CNTNAP2: variants seen among roughly 807,000 people sequenced by gnomAD.
The protein encoded by CNTNAP2 is contactin-associated protein-like 2.
In CNTNAP2, 98 loss-of-function variants were observed where a neutral mutation model predicts 155.2. That is an observed-to-expected ratio of 0.63 (90% CI 0.54 to 0.75). The LOEUF is 0.75. Among genes scored for constraint, CNTNAP2 ranks in the 30% least tolerant of loss-of-function variants. CNTNAP2 has a pLI of 0.00. For synonymous variants in CNTNAP2, 651 were observed against 631.2 expected (o/e 1.03, Z -0.47); for missense variants, 1,727 against 1,688.1 (o/e 1.02, Z -0.40).
chr7:146,705,885 C>A (rs148181470), intron 1 of CNTNAP2, among the ~76,000 whole-genome samples: 156 of 152,236 alleles, frequency 1.0e-3, no homozygotes, highest in African/African-American at 3.6e-3. Context: ...CAAGCTATAT[C>A]ATATGGTATC....
intron 12 of CNTNAP2, among the ~76,000 whole-genome samples, chr7:147,595,324 G>A (rs138376114): frequency 6.6e-6 from 1 of 152,172 alleles, no homozygotes; most frequent in East Asian, 1.9e-4. Context: ...CTTAACCTTA[G>A]CATTCAAATG....
Position 147,120,997 on chromosome 7 carries a change from C to T in CNTNAP2, c.773C>T (p.Pro258Leu). The change falls in exon 6 of 24, where the codon CCC (proline) becomes CTC (leucine). Residue 258 changes from proline (P) to leucine (L), a missense_variant. Physicochemically the swap from Pro to Leu is moderately conservative, Grantham distance 98. Coordinates refer to ENST00000361727, the MANE Select transcript of CNTNAP2 (RefSeq NM_014141.6). The part of the protein sequence containing the change: ...SLNLGSNQLG[P>L]IYGHTSVMTG... ...TACGCAGGAAGCAACCAGCTTGGCC[C>T]CATATATGGCCACACATCAGTGATG... The T allele has an allele frequency of 1.9e-6, 3 of 1,613,684 alleles. No individual in the cohort carries two copies. The highest frequency in any genetic ancestry group is 2.5e-6 in the Non-Finnish European group (3 of 1,179,950).
At chr7:146,994,252 G>A (rs117104597) in intron 3 of CNTNAP2, among the ~76,000 whole-genome samples, 2,146 of 152,150 alleles carry the variant, frequency 0.014, 24 homozygotes, top group Middle Eastern at 0.024. Flanking sequence ...CAGGCACAGA[G>A]CAAGTAATCT....
In CNTNAP2 at chr7:147,925,505, C is replaced by T. The variant is rs1800381479; in HGVS notation, c.2255+21784C>T. Among the ~76,000 whole-genome samples, 4 of 151,826 alleles carry T rather than the reference C, an allele frequency of 2.6e-5. No individual in the cohort carries two copies. In the South Asian group the frequency reaches 6.2e-4, roughly 24 times the overall value. ...TTTTTGAGACGGAGTCTCGCTCTGT[C>T]GCCCAGGTTGAAGTGCAGTGGCGTG... On this transcript the variant is annotated intron_variant, in intron 14 of 23. Coordinates refer to ENST00000361727, the MANE Select transcript of CNTNAP2 (RefSeq NM_014141.6).
chr7:148,097,380 AAAAAT>A (rs1213141151), intron 15 of CNTNAP2, among the ~76,000 whole-genome samples: 2 of 151,334 alleles, frequency 1.3e-5, no homozygotes, highest in Admixed American at 6.6e-5. Context: ...AAATAAAAAT[AAAAAT>A]AAAAAAATTA....
chr7:147,737,219 G>T (rs1412478939), intron 13 of CNTNAP2, among the ~76,000 whole-genome samples: 1 of 152,140 alleles, frequency 6.6e-6, no homozygotes, highest in Non-Finnish European at 1.5e-5. Flanking sequence ...TGTCCTTTCT[G>T]TTTATTAGAT....
intron 1 of CNTNAP2, among the ~76,000 whole-genome samples, chr7:146,664,157 CTTTTTTTTTT>C (rs35241151): frequency 0.01 from 706 of 68,530 alleles, 6 homozygotes; most frequent in African/African-American, 0.039. Context: ...CAATAAATTC[CTTTTTTTTTT>C]TTTTTTTTTT....
At chr7:147,002,944 C>CAAAAAAAAAAAAAAAAAAAAAAAAAA (rs773401142) in intron 3 of CNTNAP2, among the ~76,000 whole-genome samples, 1 of 52,940 alleles carries the variant, frequency 1.9e-5, no homozygotes. Flanking sequence ...ATGTTCCTTC[C>CAAAAAAAAAAAAAAAAAAAAAAAAAA]AAAAAAAAAA....
At position 147,844,909 on chromosome 7, in the gene CNTNAP2, G is replaced by A. The variant is rs1170262831; in HGVS notation, c.2099-58656G>A. On this transcript the variant is annotated intron_variant, in intron 13 of 23. Transcript: ENST00000361727. ...TGCTGGATTACATTTATTGATTTGC[G>A]TATATTGAACCAGCCTTGCATCCCA... Among the ~76,000 whole-genome samples, 946 of 135,666 alleles carry A rather than the reference G, an allele frequency of 7.0e-3. 12 individuals are homozygous for A. The highest frequency in any genetic ancestry group is 0.024 in the African/African-American group (873 of 36,978). The allele number at this position is 135,666 out of a possible 152,430, so 89.0% of individuals were successfully genotyped here. A position where few individuals can be genotyped will look rare whatever the true frequency, so the allele number is the denominator to read the frequency against.
intron 1 of CNTNAP2, among the ~76,000 whole-genome samples, chr7:146,766,465 G>A (rs1333695612): frequency 1.3e-5 from 2 of 152,214 alleles, no homozygotes; most frequent in East Asian, 3.9e-4. Flanking sequence ...TTAGGTCTGT[G>A]TAGCCCAGTG....
Position 147,415,362 on chromosome 7 carries a change from G to A in CNTNAP2, c.1670+19582G>A, listed in dbSNP as rs140752539. 5.3e-5 allele frequency among the ~76,000 whole-genome samples: 8 copies of A among 152,272 alleles called. No individual in the cohort carries two copies. In the East Asian group the frequency reaches 1.2e-3, roughly 22 times the overall value. ...CCCTACCCAAATCTCATCTTGAATTGTCATCCCCATAATCCCCACGTGTCA... is the reference window on the plus strand; with the variant it reads ...CCCTACCCAAATCTCATCTTGAATTATCATCCCCATAATCCCCACGTGTCA... On this transcript the variant is annotated intron_variant, in intron 10 of 23. Transcript: ENST00000361727.
chr7:147,707,516 C>A (rs1796333599), intron 13 of CNTNAP2, among the ~76,000 whole-genome samples: 1 of 152,160 alleles, frequency 6.6e-6, no homozygotes, highest in African/African-American at 2.4e-5. Flanking sequence ...GTCCTCAAAC[C>A]CCACTGGTGG....
At chr7:148,103,428 T>A (rs1411193509) in intron 15 of CNTNAP2, among the ~76,000 whole-genome samples, 1 of 152,164 alleles carries the variant, frequency 6.6e-6, no homozygotes. Context: ...CTCAGATTTC[T>A]TTGAAATTAA....
chr7:147,497,656 C>T (rs1324265133), intron 11 of CNTNAP2, among the ~76,000 whole-genome samples: 1 of 152,170 alleles, frequency 6.6e-6, no homozygotes, highest in Non-Finnish European at 1.5e-5. Context: ...TACCATATGG[C>T]TATCTGTTGC....
intron 21 of CNTNAP2, among the ~76,000 whole-genome samples, chr7:148,349,551 G>A (rs562179894): frequency 2.0e-5 from 3 of 151,898 alleles, no homozygotes; most frequent in South Asian, 2.1e-4. Context: ...ACAGGCACCC[G>A]TCACCATGCC....
intron 11 of CNTNAP2, among the ~76,000 whole-genome samples, chr7:147,499,081 A>G (rs1255866240): frequency 6.6e-6 from 1 of 152,210 alleles, no homozygotes; most frequent in East Asian, 1.9e-4. Context: ...CAGTGGAAAA[A>G]TCATATTTGA....
At chr7:147,387,200 G>A (rs944656737) in intron 9 of CNTNAP2, among the ~76,000 whole-genome samples, 1 of 152,166 alleles carries the variant, frequency 6.6e-6, no homozygotes, top group Non-Finnish European at 1.5e-5. Context: ...AACCATATCA[G>A]TCCTTTACAG....
At chr7:146,504,426 G>A (rs1563110659) in intron 1 of CNTNAP2, among the ~76,000 whole-genome samples, 1 of 152,180 alleles carries the variant, frequency 6.6e-6, no homozygotes, top group Non-Finnish European at 1.5e-5. Flanking sequence ...AGGGATGAAG[G>A]TACAACATTG....
chr7:146,529,388 T>C (rs1278058565), intron 1 of CNTNAP2, among the ~76,000 whole-genome samples: 1 of 152,052 alleles, frequency 6.6e-6, no homozygotes, highest in Non-Finnish European at 1.5e-5. Flanking sequence ...AGAGCAGGGG[T>C]TCCTAACATG....
Sources: gnomAD v4.1 joint callset for allele counts (sites outside exome capture counted in the v4.1 genomes callset) on GRCh38, gnomAD v4.1.1 for gene constraint, MANE v1.5 for transcripts, NCBI Gene and HGNC (gene_info 2026-07-23, HGNC 2026-07-21) for gene names.